Variants in CLNK observed in about 807,000 individuals in gnomAD.
CLNK encodes cytokine-dependent hematopoietic cell linker.
CLNK carries 74 observed loss-of-function variants against 68.6 expected under a neutral mutation model. The ratio of observed to expected loss-of-function variants is 1.08; its 90% CI spans 0.89 to 1.31. The LOEUF (loss-of-function observed/expected upper bound fraction) is 1.31, where lower values mean the gene tolerates loss of function less well. Ranked by LOEUF, CLNK falls within the 50% of genes most tolerant of loss-of-function variation. The probability of loss-of-function intolerance (pLI) is 0.00; values close to 1 mark genes in which losing one functional copy is unlikely to be tolerated. For synonymous variants in CLNK, 198 were observed against 172.2 expected (o/e 1.15, Z -1.17); for missense variants, 553 against 515.3 (o/e 1.07, Z -0.71).
At chr4:10,630,137 A>G (rs1722828474) in intron 2 of CLNK, among the ~76,000 whole-genome samples, 1 of 152,264 alleles carries the variant, frequency 6.6e-6, no homozygotes, top group Non-Finnish European at 1.5e-5. Flanking sequence ...TATTGTCTGC[A>G]AAGATTCCTC....
rs1193069658 is a variant in CLNK, at chr4:10,500,566, G to A, written c.1140+690C>T. Among the ~76,000 whole-genome samples, 8 of 151,948 alleles carry A rather than the reference G, an allele frequency of 5.3e-5. No homozygotes were observed. In the South Asian group the frequency reaches 1.2e-3, roughly 24 times the overall value. Reference sequence around the variant, plus strand: ...TTGGTGGGGCATGCCTGTAATTCCCGCTACTCAGGAGGCTGAGGCAGGAGA... The same window carrying A: ...TTGGTGGGGCATGCCTGTAATTCCCACTACTCAGGAGGCTGAGGCAGGAGA... On this transcript the variant is annotated intron_variant, in intron 18 of 18. Transcript: ENST00000226951.
intron 2 of CLNK, among the ~76,000 whole-genome samples, chr4:10,620,048 C>T (rs1218559928): frequency 1.3e-5 from 2 of 152,172 alleles, no homozygotes; most frequent in Non-Finnish European, 2.9e-5. Flanking sequence ...CTGGATAGTC[C>T]CTTCCTTTCT....
At chr4:10,655,704 C>T (rs1038153558) in intron 2 of CLNK, among the ~76,000 whole-genome samples, 7 of 125,880 alleles carry the variant, frequency 5.6e-5, no homozygotes, top group Admixed American at 1.0e-4. Flanking sequence ...GGCTGGAGTG[C>T]AGTGGTGCGA....
chr4:10,724,605 G>A, the CLNK span, among the ~76,000 whole-genome samples: 155 of 152,200 alleles, frequency 1.0e-3, no homozygotes, highest in Non-Finnish European at 1.7e-3. Flanking sequence ...TGTGTCCAAG[G>A]TCGTGTGAAT....
At chr4:10,491,570 A>G (rs1201556257) in intron 18 of CLNK, among the ~76,000 whole-genome samples, 3 of 152,214 alleles carry the variant, frequency 2.0e-5, no homozygotes, top group African/African-American at 7.2e-5. Flanking sequence ...ATAAAATGTT[A>G]TGACAATTTA....
chr4:10,677,436 C>G (rs180835240), intron 1 of CLNK, among the ~76,000 whole-genome samples: 202 of 152,186 alleles, frequency 1.3e-3, no homozygotes, highest in Non-Finnish European at 2.4e-3. Flanking sequence ...GTAGTCTAAA[C>G]AAGACTGGAA....
chr4:10,659,301 C>A (rs561171443), intron 2 of CLNK, among the ~76,000 whole-genome samples: 5 of 152,216 alleles, frequency 3.3e-5, no homozygotes, highest in Non-Finnish European at 4.4e-5. Context: ...CTATGGCATG[C>A]TCCCTATGTA....
chr4:10,613,369 T>C (rs910263958), intron 2 of CLNK, among the ~76,000 whole-genome samples: 8 of 152,106 alleles, frequency 5.3e-5, no homozygotes, highest in African/African-American at 1.9e-4. Flanking sequence ...AAGGAAAAGT[T>C]CAAAGGCAGG....
intron 2 of CLNK, among the ~76,000 whole-genome samples, chr4:10,657,066 CTAT>C (rs1724017094): frequency 1.3e-5 from 2 of 152,132 alleles, no homozygotes; most frequent in South Asian, 4.1e-4. Context: ...AAAGTACACA[CTAT>C]TATTATTTTA....
At chr4:10,503,476 A>G (rs1453797746) in intron 17 of CLNK, among the ~76,000 whole-genome samples, 1 of 150,212 alleles carries the variant, frequency 6.7e-6, no homozygotes, top group African/African-American at 2.4e-5. Context: ...AAAAAAAAGT[A>G]TGATAAATAT....
At chr4:10,501,868 A>C (rs1294091698) in intron 17 of CLNK, among the ~76,000 whole-genome samples, 2 of 152,220 alleles carry the variant, frequency 1.3e-5, no homozygotes, top group Non-Finnish European at 2.9e-5. Context: ...CAGAGATTGC[A>C]GTGAGCCAAG....
intron 2 of CLNK, among the ~76,000 whole-genome samples, chr4:10,638,612 T>A (rs539739799): frequency 3.9e-5 from 6 of 152,348 alleles, no homozygotes; most frequent in Non-Finnish European, 8.8e-5. Flanking sequence ...TTATTGACAC[T>A]GGTGTTACTA....
At chr4:10,614,068 T>A (rs1478988265) in intron 2 of CLNK, among the ~76,000 whole-genome samples, 3 of 152,196 alleles carry the variant, frequency 2.0e-5, no homozygotes, top group Admixed American at 1.3e-4. Context: ...CTCTCCACAT[T>A]GAAATTTCTC....
the CLNK span, among the ~76,000 whole-genome samples, chr4:10,691,136 G>C: frequency 5.3e-5 from 8 of 152,204 alleles, no homozygotes; most frequent in South Asian, 1.5e-3. Context: ...AAGTTCCAAG[G>C]AAGAATTAGC....
chr4:10,589,403 T>C (rs1445026269), intron 3 of CLNK, among the ~76,000 whole-genome samples: 2 of 143,870 alleles, frequency 1.4e-5, no homozygotes, highest in African/African-American at 2.6e-5. Flanking sequence ...AAGTGGCTTA[T>C]CTGATCCAGT....
At chr4:10,530,169 G>A (rs1229948898) in intron 12 of CLNK, among the ~76,000 whole-genome samples, 1 of 151,962 alleles carries the variant, frequency 6.6e-6, no homozygotes, top group Non-Finnish European at 1.5e-5. Context: ...CTAGACTTCG[G>A]GATTTCCAGG....
Position 10,664,233 on chromosome 4 carries a change from A to G in CLNK, c.11+3626T>C, listed in dbSNP as rs202051142. Among the ~76,000 whole-genome samples, 1,660 of 152,236 alleles carry G rather than the reference A, an allele frequency of 0.011. 57 individuals are homozygous for G. In the East Asian group the frequency reaches 0.14, roughly 13 times the overall value. On this transcript the variant is annotated intron_variant, in intron 2 of 18. Coordinates refer to ENST00000226951, the MANE Select transcript of CLNK (RefSeq NM_052964.4). ...ATTCAGTTGAGCATTAACAAGTAAA[A>G]AAAAAAAAGGAATGATGTCTGACTA...
the CLNK span, among the ~76,000 whole-genome samples, chr4:10,713,533 G>A: frequency 6.6e-6 from 1 of 152,050 alleles, no homozygotes; most frequent in Non-Finnish European, 1.5e-5. Context: ...AGACCTGGGG[G>A]TAGTGAGGGG....
intron 4 of CLNK, among the ~76,000 whole-genome samples, chr4:10,576,064 G>A (rs772334521): frequency 6.6e-6 from 1 of 152,196 alleles, no homozygotes; most frequent in Non-Finnish European, 1.5e-5. Context: ...TGGGCATATG[G>A]TGAATGCACA....
Sources: gnomAD v4.1 joint callset for allele counts (sites outside exome capture counted in the v4.1 genomes callset) on GRCh38, gnomAD v4.1.1 for gene constraint, MANE v1.5 for transcripts, NCBI Gene and HGNC (gene_info 2026-07-23, HGNC 2026-07-21) for gene names.